LRP1: variants seen among roughly 807,000 people sequenced by gnomAD.
The protein encoded by LRP1 is prolow-density lipoprotein receptor-related protein 1.
In LRP1, 51 loss-of-function variants were observed where a neutral mutation model predicts 541.5. That is an observed-to-expected ratio of 0.09 (90% confidence interval 0.08 to 0.12). LRP1 has a LOEUF of 0.12. Among genes scored for constraint, LRP1 ranks in the 10% least tolerant of loss-of-function variants. LRP1 has a pLI of 1.00. For missense variants in LRP1, 3,878 were observed against 6,376.2 expected (o/e 0.61, Z 13.34); for synonymous variants, 2,219 against 2,470.8 (o/e 0.90, Z 3.02).
At chr12:57,138,343 G>A (rs1485322148) in intron 1 of LRP1, 116 bp from the exon 2 acceptor site, 2 of 1,293,072 alleles carry the variant, frequency 1.5e-6, no homozygotes, top group Non-Finnish European at 1.1e-6. Flanking sequence ...CATGGCTGAG[G>A]GTCTGGGCCA....
chr12:57,200,307 T>C, intron 62 of LRP1, 135 bp from the exon 63 acceptor site: 1 of 686,836 alleles, frequency 1.5e-6, no homozygotes, highest in Non-Finnish European at 2.6e-6. Context: ...CTTTCCGAAC[T>C]CACCATAGCC....
In LRP1 at chr12:57,136,333, G is replaced by A. The variant is rs369130538; in HGVS notation, c.68-2126G>A. Among the ~76,000 whole-genome samples, 50 of 152,074 alleles carry A rather than the reference G, an allele frequency of 3.3e-4. No homozygotes were observed. In the East Asian group the frequency reaches 6.0e-3, roughly 18 times the overall value. On this transcript the variant is annotated intron_variant, in intron 1 of 88. Transcript: ENST00000243077. Reference sequence around the variant, plus strand: ...CCTGAGTGCCGTCTCCCCTGCCAGCGGTGGGGGTTAGGAGGGAAGACATCT... The same window carrying A: ...CCTGAGTGCCGTCTCCCCTGCCAGCAGTGGGGGTTAGGAGGGAAGACATCT...
intron 3 of LRP1, 80 bp downstream of exon 3, chr12:57,141,591 C>A: frequency 6.4e-7 from 1 of 1,557,408 alleles, no homozygotes; most frequent in Non-Finnish European, 8.8e-7. Flanking sequence ...GTCCTGGCAC[C>A]TTCAGTGGGG....
At chr12:57,138,230 G>C (rs892805958) in intron 1 of LRP1, among the ~76,000 whole-genome samples, 2 of 152,014 alleles carry the variant, frequency 1.3e-5, no homozygotes, top group Admixed American at 1.3e-4. Context: ...GACTTGGAGG[G>C]GTGCAGTAAA....
chr12:57,211,702 G>A lies in LRP1; in HGVS notation c.13194-48G>A. 6.2e-7 allele frequency: 1 copy of A among 1,601,444 alleles called. No individual in the cohort carries two copies. The highest frequency in any genetic ancestry group is 1.3e-5 in the African/African-American group (1 of 74,730). On this transcript the variant is annotated intron_variant, in intron 85 of 88. Transcript: ENST00000243077. This position sits in a 1 kb window ranked among gnomAD's most constrained non-coding sequence, Gnocchi z 4.3. The stretch of plus-strand genomic sequence containing the variant: ...CCCCCGCCCTGTTTTCCTGGCAGCA[G>A]TGGCTATGGAGGTTATACCTACTCA...
At position 57,195,715 on chromosome 12, in the gene LRP1, C is replaced by G; in HGVS notation, c.8495C>G (p.Pro2832Arg). ...ATGTGCCAGAACCGCCAGTGCATCC[C>G]CAAGCACTTCGTGTGTGACCACGAC... ...EFMCQNRQCI[P>R]KHFVCDHDRD... is the part of the protein sequence containing the mutation. Residue 2832 changes from proline to arginine, a missense_variant, in exon 53 of 89, where the codon CCC becomes CGC. Around this residue, in one of 13 missense-constraint regions of LRP1, gnomAD observed 1,100 missense variants for 1,827.4 expected, o/e 0.60. Coordinates refer to ENST00000243077, the MANE Select transcript of LRP1 (RefSeq NM_002332.3). 6.2e-7 allele frequency: 1 copy of G among 1,614,172 alleles called. No homozygotes were observed. Among genetic ancestry groups the G allele is most frequent in the South Asian group, 1.1e-5 (1 of 91,082 alleles).
chr12:57,185,505 G>A lies in LRP1; in HGVS notation c.6464-26G>A, dbSNP rs748757330. 3.9e-6 allele frequency: 6 copies of A among 1,554,074 alleles called. No homozygotes were observed. Among genetic ancestry groups the A allele is most frequent in the African/African-American group, 1.4e-5 (1 of 73,680 alleles). ...GTGAGCCTTTCCCAAGGCAGGCCCTGCCCTCTGTACCCTCCCCTCCCCCAG... is the reference window on the plus strand; with the variant it reads ...GTGAGCCTTTCCCAAGGCAGGCCCTACCCTCTGTACCCTCCCCTCCCCCAG... On this transcript the variant is annotated intron_variant, in intron 40 of 88. Coordinates refer to ENST00000243077, the MANE Select transcript of LRP1 (RefSeq NM_002332.3). The surrounding 1 kb of genome is among the most constrained non-coding windows in gnomAD (Gnocchi z 4.9).
rs1376568826 is a variant in LRP1, at chr12:57,166,155, G to A, written c.2743G>A (p.Asp915Asn). 3.1e-6 allele frequency: 5 copies of A among 1,614,144 alleles called. No homozygotes were observed. Among genetic ancestry groups the A allele is most frequent in the Non-Finnish European group, 4.2e-6 (5 of 1,180,024 alleles). ...GTGCATCCCCAACCGCTGGCTCTGC[G>A]ACGGGGACAATGACTGTGGGAACAG... ...NRCIPNRWLC[D>N]GDNDCGNSED... Residue 915 changes from aspartate (D) to asparagine (N), a missense_variant, in exon 17 of 89, where the codon GAC becomes AAC. By Grantham distance (23) the Asp-to-Asn change is conservative. Coordinates refer to ENST00000243077, the MANE Select transcript of LRP1 (RefSeq NM_002332.3).
chr12:57,149,514 G>C, intron 6 of LRP1: 1 of 628,404 alleles, frequency 1.6e-6, no homozygotes, highest in Non-Finnish European at 2.9e-6. Flanking sequence ...TTAAGCAAGA[G>C]AGATGTGTTT....
rs2036100600 is a variant in LRP1, at chr12:57,178,768, G to C, written c.4607-122G>C. 2 of 1,499,370 alleles carry C rather than the reference G, an allele frequency of 1.3e-6. No individual in the cohort carries two copies. The highest frequency in any genetic ancestry group is 1.9e-5 in the Admixed American group (1 of 52,074). 92.9% of individuals were successfully genotyped at this position (1,499,370 alleles called of 1,614,324 possible). ...AGAGGCACTGTCTAGCAGCAGAGAA[G>C]GGTCTAGTAGTAGCGGCTGCTGGAA... On this transcript the variant is annotated intron_variant, in intron 27 of 88. Transcript: ENST00000243077. This position sits in a 1 kb window ranked among gnomAD's most constrained non-coding sequence, Gnocchi z 5.8.
chr12:57,205,329 A>G lies in LRP1; in HGVS notation c.11336-22A>G, dbSNP rs2036750219. The G allele has an allele frequency of 6.3e-7, 1 of 1,592,006 alleles. No individual in the cohort carries two copies. The highest frequency in any genetic ancestry group is 1.3e-5 in the African/African-American group (1 of 74,742). ...GGCCTGGGGTGGCTCAAGGGAGGGC[A>G]TCCACTCTCTGTCCCCCACAGACCC... is the stretch of plus-strand genomic sequence containing the variant. On this transcript the variant is annotated intron_variant, in intron 73 of 88. Transcript: ENST00000243077. The surrounding 1 kb of genome is among the most constrained non-coding windows in gnomAD (Gnocchi z 4.6).
chr12:57,129,064 T>G (rs1403490232), intron 1 of LRP1, 33 bp downstream of exon 1: 2 of 1,546,684 alleles, frequency 1.3e-6, no homozygotes, highest in Non-Finnish European at 1.8e-6. Context: ...CTTGGACCCC[T>G]GGGGGCACCC....
In LRP1 at chr12:57,206,583, C is replaced by T; in HGVS notation, c.11701C>T (p.Arg3901Cys). The T allele has an allele frequency of 6.2e-7, 1 of 1,614,200 alleles. No individual in the cohort carries two copies. The highest frequency in any genetic ancestry group is 8.5e-7 in the Non-Finnish European group (1 of 1,180,032). Residue 3901 changes from arginine (R) to cysteine (C), a missense_variant, in exon 76 of 89, where the codon CGC (arginine) becomes TGC (cysteine). Physicochemically the swap from Arg to Cys is radical, Grantham distance 180. Transcript: ENST00000243077. This position sits in a 1 kb window ranked among gnomAD's most constrained non-coding sequence, Gnocchi z 4.7. ...GGCATTCCAGGGTGACGAGAGTGTC[C>T]GCATTGATGCTATGGATGTCCATGT... The part of the protein sequence containing the change: ...EQAFQGDESV[R>C]IDAMDVHVKA...
intron 2 of LRP1, among the ~76,000 whole-genome samples, chr12:57,139,471 T>A (rs1019752239): frequency 6.6e-6 from 1 of 151,610 alleles, no homozygotes; most frequent in Non-Finnish European, 1.5e-5. Context: ...CAGCCTGGAG[T>A]CTCTTCTTGT....
At chr12:57,168,584 G>GC (rs918670657) in intron 19 of LRP1, among the ~76,000 whole-genome samples, 1 of 152,176 alleles carries the variant, frequency 6.6e-6, no homozygotes, top group African/African-American at 2.4e-5. Context: ...AAGTCAAGCA[G>GC]CCCCCACCCA....
rs1371377915 is a variant in LRP1 at position 57,185,684 on chromosome 12, G to A, written c.6617G>A (p.Arg2206His). Residue 2206 changes from arginine (R) to histidine (H), a missense_variant, in exon 41 of 89, where the codon CGC becomes CAC. Physicochemically the swap from Arg to His is conservative, Grantham distance 29. This residue lies in a region of LRP1 where 1,100 missense variants were observed against 1,827.4 expected (regional missense o/e 0.60). Transcript: ENST00000243077. The surrounding 1 kb of genome is among the most constrained non-coding windows in gnomAD (Gnocchi z 4.9). ...GCCGGCTACCTGCTCTACTCAGAGCGCACCATTCTCAAGAGTATCCACCTG... is the reference window on the plus strand; with the variant it reads ...GCCGGCTACCTGCTCTACTCAGAGCACACCATTCTCAAGAGTATCCACCTG... ...EYAGYLLYSE[R>H]TILKSIHLSD... 3 of 1,613,796 alleles carry A rather than the reference G, an allele frequency of 1.9e-6. No individual in the cohort carries two copies. Among genetic ancestry groups the A allele is most frequent in the Non-Finnish European group, 2.5e-6 (3 of 1,179,978 alleles).
rs2036764464 is a variant in LRP1 at position 57,205,755 on chromosome 12, G to C, written c.11590+78G>C. ...TATCAAACGGGGCCGACTTGGAATG[G>C]AATGTCTTCCTGCGGACATCTTGCC... On this transcript the variant is annotated intron_variant, in intron 75 of 88. Transcript: ENST00000243077. This position sits in a 1 kb window ranked among gnomAD's most constrained non-coding sequence, Gnocchi z 4.6. 1 of 1,572,900 alleles carries C rather than the reference G, an allele frequency of 6.4e-7. No homozygotes were observed. The highest frequency in any genetic ancestry group is 8.6e-7 in the Non-Finnish European group (1 of 1,163,034).
In LRP1 at chr12:57,201,744, G is replaced by A; in HGVS notation, c.10469-36G>A. 2.5e-6 allele frequency: 4 copies of A among 1,611,222 alleles called. No homozygotes were observed. Among genetic ancestry groups the A allele is most frequent in the Non-Finnish European group, 3.4e-6 (4 of 1,178,034 alleles). The stretch of plus-strand genomic sequence containing the variant: ...CACCCTCCCGGCACACTCCTGGAAG[G>A]AGTCTCATCCTCACCCCATGCCCAC... On this transcript the variant is annotated intron_variant, in intron 66 of 88. Coordinates refer to ENST00000243077, the MANE Select transcript of LRP1 (RefSeq NM_002332.3). This position sits in a 1 kb window ranked among gnomAD's most constrained non-coding sequence, Gnocchi z 6.4.
intron 44 of LRP1, 129 bp from the exon 45 acceptor site, chr12:57,192,716 C>A: frequency 2.3e-6 from 3 of 1,317,014 alleles, no homozygotes; most frequent in Non-Finnish European, 3.2e-6. Context: ...TGGCTGCAAG[C>A]CGCTGTGCCT....
Sources: allele counts gnomAD v4.1 joint callset (sites outside exome capture counted in the v4.1 genomes callset), GRCh38; gene constraint gnomAD v4.1.1; regional missense constraint gnomAD v4.1.1; non-coding constraint Gnocchi (gnomAD v3.1); transcripts MANE v1.5; gene names NCBI Gene and HGNC (gene_info 2026-07-23, HGNC 2026-07-21).